Variants in SNAP47 observed in about 807,000 individuals in gnomAD.
SNAP47 encodes the protein synaptosomal-associated protein 47.
A neutral mutation model predicts 31.4 loss-of-function variants in SNAP47; 20 were observed. The observed-to-expected ratio is 0.64, with a 90% CI of 0.45 to 0.93. The LOEUF is 0.93. Among genes scored for constraint, SNAP47 ranks in the 40% least tolerant of loss-of-function variants. The probability of loss-of-function intolerance (pLI) is 0.00; values close to 1 mark genes in which losing one functional copy is unlikely to be tolerated. For synonymous variants in SNAP47, 194 were observed against 213.4 expected (o/e 0.91, Z 0.79); for missense variants, 492 against 528.5 (o/e 0.93, Z 0.68).
At position 227,780,770 on chromosome 1, in the gene SNAP47, C is replaced by T. The variant is rs767543654; in HGVS notation, c.*97C>T. 9.8e-6 allele frequency: 15 copies of T among 1,528,132 alleles called. No individual in the cohort carries two copies. The African/African-American group carries it at 1.2e-4, about 13-fold the overall frequency. The allele number at this position is 1,528,132 out of a possible 1,614,324, so 94.7% of individuals were successfully genotyped here. A position where few individuals can be genotyped will look rare whatever the true frequency, so the allele number is the denominator to read the frequency against. On this transcript the variant is annotated 3_prime_UTR_variant, in exon 5 of 5. Transcript: ENST00000617596. ...AGGGCTGCAGAGGCCTGTGGCCCTCCGGAGTGGTCTTCCTCTGGATGGGGC... is the reference window on the plus strand; with the variant it reads ...AGGGCTGCAGAGGCCTGTGGCCCTCTGGAGTGGTCTTCCTCTGGATGGGGC...
intron 2 of SNAP47, among the ~76,000 whole-genome samples, chr1:227,749,105 C>T (rs1041511415): frequency 1.3e-5 from 2 of 152,126 alleles, no homozygotes; most frequent in Non-Finnish European, 2.9e-5. Context: ...TCGGGTCTTG[C>T]GTCATGGCCC....
At chr1:227,732,427 G>C (rs192897240), upstream of SNAP47, 2 of 1,613,012 alleles carry the variant, frequency 1.2e-6, no homozygotes, top group African/African-American at 2.7e-5. Flanking sequence ...GCCTCTCTCA[G>C]CTGCTGCAGC....
At chr1:227,774,929 C>T (rs1664058630) in intron 4 of SNAP47, among the ~76,000 whole-genome samples, 1 of 152,252 alleles carries the variant, frequency 6.6e-6, no homozygotes, top group Non-Finnish European at 1.5e-5. Flanking sequence ...CCAGTCCAGG[C>T]CCAGCTCCTT....
chr1:227,770,402 G>A (rs950013946), intron 4 of SNAP47, among the ~76,000 whole-genome samples: 8 of 152,144 alleles, frequency 5.3e-5, no homozygotes, highest in East Asian at 1.9e-4. Context: ...CTGTCCTCAC[G>A]TCTTTGTTTG....
intron 2 of SNAP47, among the ~76,000 whole-genome samples, chr1:227,754,835 A>G (rs1294289784): frequency 3.3e-5 from 5 of 152,206 alleles, no homozygotes; most frequent in African/African-American, 1.2e-4. Flanking sequence ...TTTTGCCTGG[A>G]GAGGAAAGCT....
At position 227,762,216 on chromosome 1, in the gene SNAP47, G is replaced by A. The variant is rs553065415; in HGVS notation, c.988+2731G>A. On this transcript the variant is annotated intron_variant, in intron 3 of 4. Coordinates refer to ENST00000617596, the MANE Select transcript of SNAP47 (RefSeq NM_053052.4). The surrounding 1 kb of genome is among the most constrained non-coding windows in gnomAD (Gnocchi z 4.2). ...TGGGGGACTGTTGTGCCACCTTTCC[G>A]TGCTCACTTTCACCCCCATGGGCAA... Among the ~76,000 whole-genome samples the A allele has an allele frequency of 6.6e-5, 10 of 152,318 alleles. No homozygotes were observed. The South Asian group carries it at 1.9e-3, about 28-fold the overall frequency.
chr1:227,733,363 G>A (rs767941859), upstream of SNAP47: 26 of 1,539,062 alleles, frequency 1.7e-5, no homozygotes, highest in East Asian at 9.2e-5. Flanking sequence ...TGGTGCTGCC[G>A]TCTTCCTGCA....
chr1:227,775,821 A>G (rs2102999224), intron 4 of SNAP47: 1 of 1,304,164 alleles, frequency 7.7e-7, no homozygotes, highest in African/African-American at 1.5e-5. Flanking sequence ...CAACCCAGAC[A>G]GTGTTGGTGA....
At chr1:227,779,836 C>T (rs1664361409) in intron 4 of SNAP47, among the ~76,000 whole-genome samples, 1 of 152,142 alleles carries the variant, frequency 6.6e-6, no homozygotes, top group African/African-American at 2.4e-5. Flanking sequence ...GCTAGCATTC[C>T]TGGGGCGGCC....
At chr1:227,758,321 C>G (rs1269913305) in intron 2 of SNAP47, among the ~76,000 whole-genome samples, 1 of 152,230 alleles carries the variant, frequency 6.6e-6, no homozygotes, top group Non-Finnish European at 1.5e-5. Flanking sequence ...TAGGGAGATT[C>G]ATCCTGCAAG....
upstream of SNAP47, chr1:227,734,200 G>C (rs1316110534): frequency 2.8e-6 from 2 of 721,390 alleles, no homozygotes; most frequent in African/African-American, 1.8e-5. Context: ...TGGCGGGGGA[G>C]GGGGCGGGGC....
At chr1:227,761,646 C>T (rs1033488529) in intron 3 of SNAP47, among the ~76,000 whole-genome samples, 6 of 152,180 alleles carry the variant, frequency 3.9e-5, no homozygotes, top group African/African-American at 1.4e-4. Flanking sequence ...CAGGCGTACT[C>T]CTGCACGTGG....
At position 227,780,530 on chromosome 1, in the gene SNAP47, CTG is replaced by C. The variant is rs768073102; in HGVS notation, c.1118_1119del (p.Leu373GlnfsTer13). The C allele has an allele frequency of 6.2e-7, 1 of 1,613,868 alleles. No individual in the cohort carries two copies. Among genetic ancestry groups the C allele is most frequent in the African/African-American group, 1.3e-5 (1 of 74,946 alleles). On this transcript the variant is annotated frameshift_variant, in exon 5 of 5. Coordinates refer to ENST00000617596, the MANE Select transcript of SNAP47 (RefSeq NM_053052.4). LOFTEE classifies it high-confidence loss of function. ...EADTQELTQILRRMKGLALEA... is the reference protein window; with the variant it reads ...EADTQELTQIXRRMKGLALEA... ...GTGATCTTGTGCTTCTCCCCAGATC[CTG>C]AGGAGGATGAAGGGGCTGGCCCTGG...
At chr1:227,746,115 C>T (rs941599219) in intron 1 of SNAP47, 38 of 152,286 alleles carry the variant, frequency 2.5e-4, no homozygotes, top group African/African-American at 8.4e-4. Flanking sequence ...ACATCCATCC[C>T]ATTCACTCAG....
chr1:227,734,033 C>G, upstream of SNAP47: 1 of 1,612,668 alleles, frequency 6.2e-7, no homozygotes, highest in Non-Finnish European at 8.5e-7. Flanking sequence ...CGGAAAGTCC[C>G]TGTGAGGAGG....
At chr1:227,767,684 ATGTCT>A (rs1663523735) in intron 4 of SNAP47, among the ~76,000 whole-genome samples, 1 of 125,996 alleles carries the variant, frequency 7.9e-6, no homozygotes, top group Non-Finnish European at 1.8e-5. Context: ...GTATATGTGC[ATGTCT>A]TGTGTGTGGA....
In SNAP47 at chr1:227,748,251, A is replaced by C. The variant is rs187585354; in HGVS notation, c.497+18A>C. On this transcript the variant is annotated intron_variant, in intron 2 of 4. Coordinates refer to ENST00000617596, the MANE Select transcript of SNAP47 (RefSeq NM_053052.4). ...GCGGACAGGTGGGCTTGCTGTGTAC[A>C]CTTTGCAAGGCACACACAGAGTAAG... 35 of 1,542,656 alleles carry C rather than the reference A, an allele frequency of 2.3e-5. No homozygotes were observed. Among genetic ancestry groups the C allele is most frequent in the Non-Finnish European group, 2.8e-5 (32 of 1,145,888 alleles).
In SNAP47 at chr1:227,735,462, G is replaced by C. The variant is rs763496373; in HGVS notation, c.-83G>C. ...TGCGCAGGCGCCGAGCGGCCGAGGC[G>C]CCGCGGTCGGCTCTGGGACTCGTCT... On this transcript the variant is annotated 5_prime_UTR_variant, in exon 1 of 5. Coordinates refer to ENST00000617596, the MANE Select transcript of SNAP47 (RefSeq NM_053052.4). 4 of 1,436,794 alleles carry C rather than the reference G, an allele frequency of 2.8e-6. No homozygotes were observed. The highest frequency in any genetic ancestry group is 3.6e-6 in the Non-Finnish European group (4 of 1,105,994). 89.0% of individuals were successfully genotyped at this position (1,436,794 alleles called of 1,614,324 possible).
intron 4 of SNAP47, among the ~76,000 whole-genome samples, chr1:227,767,700 G>A (rs991068416): frequency 2.0e-5 from 3 of 152,144 alleles, no homozygotes; most frequent in East Asian, 1.9e-4. Context: ...TGTGTGTGGA[G>A]CGTGCATGTA....
Sources: allele counts gnomAD v4.1 joint callset (sites outside exome capture counted in the v4.1 genomes callset), GRCh38; gene constraint gnomAD v4.1.1; non-coding constraint Gnocchi (gnomAD v3.1); transcripts MANE v1.5; gene names NCBI Gene and HGNC (gene_info 2026-07-23, HGNC 2026-07-21).